The following NKD1 variants were observed in gnomAD, a reference collection of about 807,000 sequenced individuals.
NKD1 encodes the protein protein naked cuticle homolog 1.
Under a neutral mutation model 56.0 loss-of-function variants are expected in NKD1, and 21 were observed. The ratio of observed to expected loss-of-function variants is 0.38; its 90% confidence interval spans 0.27 to 0.54. NKD1 has a LOEUF of 0.54. Ranked by LOEUF, NKD1 falls within the 20% of genes least tolerant of loss-of-function variation. NKD1 has a pLI of 0.82. For synonymous variants in NKD1, 263 were observed against 265.7 expected (o/e 0.99, Z 0.10); for missense variants, 578 against 642.7 (o/e 0.90, Z 1.09).
At chr16:50,611,723 C>T (rs1398235233) in intron 4 of NKD1, among the ~76,000 whole-genome samples, 1 of 152,236 alleles carries the variant, frequency 6.6e-6, no homozygotes, top group Non-Finnish European at 1.5e-5. Flanking sequence ...GAATTCGCAG[C>T]TCAGACCCCA....
intron 3 of NKD1, among the ~76,000 whole-genome samples, chr16:50,570,034 G>A (rs1960848161): frequency 6.6e-6 from 1 of 152,054 alleles, no homozygotes; most frequent in South Asian, 2.1e-4. Flanking sequence ...GTGCTCAGGG[G>A]ATTTCAAAAT....
intron 3 of NKD1, among the ~76,000 whole-genome samples, chr16:50,579,606 C>T (rs1243645486): frequency 7.6e-6 from 1 of 131,208 alleles, no homozygotes; most frequent in South Asian, 2.5e-4. Context: ...CCGCTACACA[C>T]GCACTCTAAC....
intron 7 of NKD1, 70 bp downstream of exon 7, chr16:50,630,403 G>A: frequency 6.4e-7 from 1 of 1,564,418 alleles, no homozygotes; most frequent in Non-Finnish European, 8.7e-7. Context: ...GCCTTCCTGG[G>A]AGGGCCGGAA....
intron 3 of NKD1, among the ~76,000 whole-genome samples, chr16:50,580,432 G>T (rs577219058): frequency 2.0e-5 from 3 of 152,302 alleles, no homozygotes; most frequent in African/African-American, 7.2e-5. Context: ...GCAGGTACAC[G>T]CAGGGAATGC....
intron 3 of NKD1, among the ~76,000 whole-genome samples, chr16:50,593,857 A>G (rs1219138477): frequency 1.3e-5 from 2 of 152,206 alleles, no homozygotes; most frequent in African/African-American, 2.4e-5. Context: ...TGAATGTCCT[A>G]TGTTTTTATT....
intron 3 of NKD1, among the ~76,000 whole-genome samples, chr16:50,584,058 A>G (rs748025810): frequency 2.6e-4 from 39 of 152,162 alleles, no homozygotes; most frequent in Non-Finnish European, 5.6e-4. Flanking sequence ...AGACTTAGTT[A>G]TTCCTCCCAC....
chr16:50,593,958 G>T (rs1961422545), intron 3 of NKD1, among the ~76,000 whole-genome samples: 1 of 152,218 alleles, frequency 6.6e-6, no homozygotes. Flanking sequence ...CTGAATTTCA[G>T]ATGCCCACTG....
rs917832355 is a variant in NKD1 at position 50,574,416 on chromosome 16, C to T, written c.192+24861C>T. ...GGTGTCCTGGCTGAGTCGACATAGC[C>T]GTCTTCCCCCAGGGACTAAATTTAG... is the stretch of plus-strand genomic sequence containing the variant. On this transcript the variant is annotated intron_variant, in intron 3 of 9. Transcript: ENST00000268459. The T allele has an allele frequency of 1.5e-5, 15 of 985,294 alleles. No homozygotes were observed. In the East Asian group the frequency reaches 1.1e-3, roughly 74 times the overall value. 61.0% of individuals were successfully genotyped at this position (985,294 alleles called of 1,614,324 possible). A position where few individuals can be genotyped will look rare whatever the true frequency, so the allele number is the denominator to read the frequency against.
chr16:50,551,197 G>A (rs978920696), intron 3 of NKD1, among the ~76,000 whole-genome samples: 3 of 149,852 alleles, frequency 2.0e-5, no homozygotes, highest in African/African-American at 4.9e-5. Context: ...CCCAGCGAGA[G>A]GAATGCAGGC....
At chr16:50,624,646 G>C (rs1962169318) in intron 5 of NKD1, among the ~76,000 whole-genome samples, 3 of 152,198 alleles carry the variant, frequency 2.0e-5, no homozygotes, top group Admixed American at 2.0e-4. Context: ...GAGGAAGGAG[G>C]AAAGCCAGTG....
At chr16:50,548,884 CCG>C in intron 2 of NKD1, 135 bp downstream of exon 2, 3 of 1,143,882 alleles carry the variant, frequency 2.6e-6, no homozygotes, top group South Asian at 2.3e-5. Flanking sequence ...CCCCCCAAGC[CCG>C]CTCCCTGAGC....
intron 3 of NKD1, among the ~76,000 whole-genome samples, chr16:50,582,924 T>G (rs1220642909): frequency 6.6e-6 from 1 of 152,184 alleles, no homozygotes. Context: ...GGAGAATTGC[T>G]TGAACCCTGG....
At chr16:50,624,348 C>T (rs1301945561) in intron 5 of NKD1, among the ~76,000 whole-genome samples, 1 of 152,140 alleles carries the variant, frequency 6.6e-6, no homozygotes, top group East Asian at 1.9e-4. Context: ...GTCTCACATT[C>T]CCTGGGGTCA....
chr16:50,550,264 G>A (rs1043046947), intron 3 of NKD1, among the ~76,000 whole-genome samples: 3 of 152,176 alleles, frequency 2.0e-5, no homozygotes, highest in African/African-American at 4.8e-5. Flanking sequence ...TGTGAGCTCC[G>A]GAACTCTGCA....
chr16:50,633,350 G>A lies in NKD1; in HGVS notation c.982G>A (p.Val328Ile), dbSNP rs1189792204. The A allele has an allele frequency of 1.2e-6, 2 of 1,614,124 alleles. No individual in the cohort carries two copies. Among genetic ancestry groups the A allele is most frequent in the Non-Finnish European group, 8.5e-7 (1 of 1,180,010 alleles). Residue 328 changes from valine to isoleucine, a missense_variant, in exon 10 of 10, where the codon GTC becomes ATC. Val to Ile is a conservative substitution (Grantham distance 29, BLOSUM62 3). Transcript: ENST00000268459. This position sits in a 1 kb window ranked among gnomAD's most constrained non-coding sequence, Gnocchi z 4.9. The part of the protein sequence containing the change: ...FHFLDTPIAK[V>I]SELQQRLRGT... ...CTTCCTTGACACCCCAATCGCCAAG[G>A]TCTCAGAGCTCCAGCAACGGCTCCG...
At chr16:50,620,902 C>A (rs1335571490) in intron 4 of NKD1, among the ~76,000 whole-genome samples, 1 of 152,136 alleles carries the variant, frequency 6.6e-6, no homozygotes, top group Non-Finnish European at 1.5e-5. Flanking sequence ...TGAGCAGAGG[C>A]CAAATGCAAG....
chr16:50,643,928 C>T lies in NKD1; in HGVS notation c.*10147C>T, dbSNP rs1287373589. On this transcript the variant is annotated 3_prime_UTR_variant, in exon 10 of 10. Transcript: ENST00000268459. The stretch of plus-strand genomic sequence containing the variant: ...ACAAGATGGCACTTCAGCGTCATGC[C>T]TGGGGAGCATTTTAAGCAGCCAAAT... 6.6e-6 allele frequency: 1 copy of T among 152,248 alleles called. No individual in the cohort carries two copies. The highest frequency in any genetic ancestry group is 2.4e-5 in the African/African-American group (1 of 41,458). The allele number at this position is 152,248 out of a possible 1,614,324, so 9.4% of individuals were successfully genotyped here. A position where few individuals can be genotyped will look rare whatever the true frequency, so the allele number is the denominator to read the frequency against.
At chr16:50,563,130 C>T (rs1381464484) in intron 3 of NKD1, among the ~76,000 whole-genome samples, 1 of 152,186 alleles carries the variant, frequency 6.6e-6, no homozygotes, top group African/African-American at 2.4e-5. Flanking sequence ...AGAATGTGAC[C>T]ACTGGGACTC....
chr16:50,566,431 C>T (rs1057375436), intron 3 of NKD1, among the ~76,000 whole-genome samples: 101 of 152,244 alleles, frequency 6.6e-4, no homozygotes, highest in African/African-American at 2.2e-3. Flanking sequence ...AAAACCCAGG[C>T]GGAGCTCCCA....
Sources: gnomAD v4.1 joint callset for allele counts (sites outside exome capture counted in the v4.1 genomes callset) on GRCh38, gnomAD v4.1.1 for gene constraint, Gnocchi (gnomAD v3.1) non-coding constraint, MANE v1.5 for transcripts, NCBI Gene and HGNC (gene_info 2026-07-23, HGNC 2026-07-21) for gene names.